PRKAR1A: variants seen among roughly 807,000 people sequenced by gnomAD.
PRKAR1A encodes protein kinase cAMP-dependent type I regulatory subunit alpha, also known as cAMP-dependent protein kinase type I-alpha regulatory subunit.
A neutral mutation model predicts 52.0 loss-of-function variants in PRKAR1A; 3 were observed. The ratio of observed to expected loss-of-function variants is 0.06; its 90% confidence interval spans 0.03 to 0.15. The LOEUF (loss-of-function observed/expected upper bound fraction) is 0.15, where lower values mean the gene tolerates loss of function less well. Ranked by LOEUF, PRKAR1A falls within the 10% of genes least tolerant of loss-of-function variation. The probability of loss-of-function intolerance (pLI) is 1.00; values close to 1 mark genes in which losing one functional copy is unlikely to be tolerated. For missense variants in PRKAR1A, 240 were observed against 477.4 expected (o/e 0.50, Z 4.63); for synonymous variants, 188 against 168.4 (o/e 1.12, Z -0.90).
Position 68,515,498 on chromosome 17 carries a change from T to C in PRKAR1A, c.99T>C (p.Asp33=), listed in dbSNP as rs184088832. ...QKHNIQALLK[D]SIVQLCTARP... ...ATAACATTCAAGCGCTGCTCAAAGA[T>C]TCTATTGTGCAGTTGTGCACTGCTC... The change falls in exon 2 of 11, where the codon GAT becomes GAC. Residue 33 remains aspartate (D), a synonymous_variant. Coordinates refer to ENST00000589228, the MANE Select transcript of PRKAR1A (RefSeq NM_002734.5). 2 of 1,613,452 alleles carry C rather than the reference T, an allele frequency of 1.2e-6. 1 individual carries two copies. Among genetic ancestry groups the C allele is most frequent in the African/African-American group, 2.7e-5 (2 of 75,014 alleles).
At chr17:68,538,124 C>A (rs541193154), downstream of PRKAR1A, among the ~76,000 whole-genome samples, 2 of 152,326 alleles carry the variant, frequency 1.3e-5, no homozygotes, top group African/African-American at 2.4e-5. Flanking sequence ...TATTTGCTGT[C>A]TCAAAATCCC....
chr17:68,536,138 G>A (rs1336089780), downstream of PRKAR1A: 4 of 454,132 alleles, frequency 8.8e-6, no homozygotes, highest in South Asian at 6.2e-5. Flanking sequence ...GGTCAGAAGT[G>A]TTATTTGTCC....
At chr17:68,424,340 C>T in the PRKAR1A span, 1 of 481,510 alleles carries the variant, frequency 2.1e-6, no homozygotes, top group Non-Finnish European at 4.3e-6. Context: ...CAGCCCCAGC[C>T]CTGCATGCAG....
intron 9 of PRKAR1A, 51 bp from the exon 10 acceptor site, chr17:68,529,869 C>A: frequency 6.4e-7 from 1 of 1,564,192 alleles, no homozygotes; most frequent in African/African-American, 1.4e-5. Context: ...AAGGTGCCAC[C>A]CTGGGTTTGA....
At chr17:68,494,094 A>G in the PRKAR1A span, among the ~76,000 whole-genome samples, 1 of 152,228 alleles carries the variant, frequency 6.6e-6, no homozygotes, top group Non-Finnish European at 1.5e-5. Context: ...AAAATGTTTA[A>G]AAATATATAA....
rs1024861538 is a variant in PRKAR1A at position 68,531,435 on chromosome 17, G to A, written c.*986G>A. The A allele has an allele frequency of 9.4e-7, 1 of 1,066,138 alleles. No homozygotes were observed. The highest frequency in any genetic ancestry group is 1.1e-6 in the Non-Finnish European group (1 of 879,642). The allele number at this position is 1,066,138 out of a possible 1,614,324, so 66.0% of individuals were successfully genotyped here. On this transcript the variant is annotated 3_prime_UTR_variant, in exon 11 of 11. Coordinates refer to ENST00000589228, the MANE Select transcript of PRKAR1A (RefSeq NM_002734.5). ...TACAGATGGAGCAAATGTCCTAACAGAGAAATAGAGGTGATGCTGCTAAAG... is the reference window on the plus strand; with the variant it reads ...TACAGATGGAGCAAATGTCCTAACAAAGAAATAGAGGTGATGCTGCTAAAG...
the PRKAR1A span, among the ~76,000 whole-genome samples, chr17:68,447,187 A>G: frequency 6.6e-6 from 1 of 152,210 alleles, no homozygotes; most frequent in Non-Finnish European, 1.5e-5. Flanking sequence ...CTTCGAGCCA[A>G]TCAGCCTCCA....
chr17:68,499,579 A>G, the PRKAR1A span, among the ~76,000 whole-genome samples: 1 of 152,352 alleles, frequency 6.6e-6, no homozygotes, highest in East Asian at 1.9e-4. Flanking sequence ...ACAGCTCACT[A>G]ATGACCATTA....
the PRKAR1A span, among the ~76,000 whole-genome samples, chr17:68,505,107 C>A: frequency 6.6e-6 from 1 of 152,072 alleles, no homozygotes; most frequent in Non-Finnish European, 1.5e-5. Flanking sequence ...CTAGCCTGGG[C>A]AATGTGGCAA....
In PRKAR1A at chr17:68,532,739, TAAA is replaced by T; in HGVS notation, c.*2293_*2295del. The T allele has an allele frequency of 9.4e-7, 1 of 1,066,138 alleles. No homozygotes were observed. The highest frequency in any genetic ancestry group is 1.1e-6 in the Non-Finnish European group (1 of 879,460). The allele number at this position is 1,066,138 out of a possible 1,614,324, so 66.0% of individuals were successfully genotyped here. ...ATTGTCTTAATGGTAGGTCAAGTAA[TAAA>T]AAGAGATGAAATAATTTAAATTCTT... On this transcript the variant is annotated 3_prime_UTR_variant, in exon 11 of 11. Coordinates refer to ENST00000589228, the MANE Select transcript of PRKAR1A (RefSeq NM_002734.5).
At chr17:68,545,424 C>T (rs538004348) in intron 11 of PRKAR1A, among the ~76,000 whole-genome samples, 1 of 152,306 alleles carries the variant, frequency 6.6e-6, no homozygotes, top group East Asian at 1.9e-4. Flanking sequence ...ATAAAAGTTA[C>T]GTTTCATTAT....
chr17:68,524,680 T>C lies in PRKAR1A; in HGVS notation c.503-232T>C, dbSNP rs149137089. Among the ~76,000 whole-genome samples the C allele has an allele frequency of 1.8e-3, 271 of 152,322 alleles. 1 individual carries two copies. Among genetic ancestry groups the C allele is most frequent in the African/African-American group, 5.6e-3 (234 of 41,592 alleles). On this transcript the variant is annotated intron_variant, in intron 5 of 10. Coordinates refer to ENST00000589228, the MANE Select transcript of PRKAR1A (RefSeq NM_002734.5). ...CAGTTAATAACTACACATATGTAGC[T>C]TTTAAAAATTTTTTTCAGAGGTATT...
chr17:68,530,015 C>T lies in PRKAR1A; in HGVS notation c.973+14C>T, dbSNP rs1203322109. The T allele has an allele frequency of 2.0e-5, 32 of 1,607,112 alleles. No individual in the cohort carries two copies. The highest frequency in any genetic ancestry group is 2.7e-5 in the African/African-American group (2 of 74,694). ...CTGATTATTTTGGTATGTATGAATT[C>T]CCTCACAATAAATACATGGTTTCTT... is the stretch of plus-strand genomic sequence containing the variant. On this transcript the variant is annotated intron_variant, in intron 10 of 10. Transcript: ENST00000589228.
At chr17:68,472,692 T>A in the PRKAR1A span, among the ~76,000 whole-genome samples, 1 of 152,138 alleles carries the variant, frequency 6.6e-6, no homozygotes, top group Admixed American at 6.5e-5. Context: ...ATGCCTGTAA[T>A]CCCAGCACTT....
the PRKAR1A span, chr17:68,430,195 G>A: frequency 1.9e-6 from 3 of 1,581,898 alleles, no homozygotes; most frequent in Non-Finnish European, 2.6e-6. Context: ...ATGGGACTGG[G>A]CTGCAGGCCC....
intron 7 of PRKAR1A, chr17:68,527,525 C>T: frequency 3.1e-6 from 1 of 326,052 alleles, no homozygotes; most frequent in Non-Finnish European, 5.8e-6. Context: ...GAGTGATAGG[C>T]TCAGGTATAA....
the PRKAR1A span, among the ~76,000 whole-genome samples, chr17:68,489,207 T>TGG: frequency 2.5e-4 from 10 of 40,212 alleles, 1 homozygote; most frequent in Non-Finnish European, 3.8e-4. Flanking sequence ...TATATATATA[T>TGG]ATATATATAT....
At chr17:68,429,063 G>C in the PRKAR1A span, 1 of 684,684 alleles carries the variant, frequency 1.5e-6, no homozygotes, top group Non-Finnish European at 2.5e-6. Flanking sequence ...TTAGCCCACT[G>C]ATCTGGTCTG....
chr17:68,450,685 C>G, the PRKAR1A span: 3 of 1,563,018 alleles, frequency 1.9e-6, no homozygotes, highest in Admixed American at 2.0e-5. Flanking sequence ...GTTTGGCTCC[C>G]GTTAGCAGAA....
Sources: allele counts gnomAD v4.1 joint callset (sites outside exome capture counted in the v4.1 genomes callset), GRCh38; gene constraint gnomAD v4.1.1; transcripts MANE v1.5; gene names NCBI Gene and HGNC (gene_info 2026-07-23, HGNC 2026-07-21).